The following CACNG1 variants were observed in gnomAD, a reference collection of about 807,000 sequenced individuals.
CACNG1 encodes calcium voltage-gated channel auxiliary subunit gamma 1.
Under a neutral mutation model 22.0 loss-of-function variants are expected in CACNG1, and 21 were observed. That is an observed-to-expected ratio of 0.95 (90% CI 0.68 to 1.37). The LOEUF is 1.37. CACNG1 is among the 40% of genes most tolerant of loss of function. CACNG1 has a pLI of 0.00. For missense variants in CACNG1, 291 were observed against 308.6 expected (o/e 0.94, Z 0.43); for synonymous variants, 127 against 129.2 (o/e 0.98, Z 0.12).
intron 1 of CACNG1, 62 bp from the exon 2 acceptor site, chr17:67,053,934 C>T: frequency 1.6e-6 from 2 of 1,235,654 alleles, no homozygotes; most frequent in Non-Finnish European, 2.4e-6. Context: ...CGCTCTCTGC[C>T]AGGCCTCTGT....
chr17:67,046,690 A>C (rs2143407922), intron 1 of CACNG1, among the ~76,000 whole-genome samples: 1 of 152,306 alleles, frequency 6.6e-6, no homozygotes, highest in South Asian at 2.1e-4. Flanking sequence ...AGGGCAAGGC[A>C]GCTTCTTCAG....
intron 1 of CACNG1, among the ~76,000 whole-genome samples, chr17:67,046,713 G>A (rs1281172376): frequency 6.6e-6 from 1 of 152,162 alleles, no homozygotes; most frequent in African/African-American, 2.4e-5. Context: ...ACCACACATG[G>A]GGACGTGCTG....
In CACNG1 at chr17:67,054,289, AG is replaced by A. The variant is rs2035745411; in HGVS notation, c.304+222del. Among the ~76,000 whole-genome samples the A allele has an allele frequency of 6.6e-6, 1 of 152,184 alleles. No individual in the cohort carries two copies. The highest frequency in any genetic ancestry group is 2.4e-5 in the African/African-American group (1 of 41,452). On this transcript the variant is annotated intron_variant, in intron 2 of 3. Coordinates refer to ENST00000226021, the MANE Select transcript of CACNG1 (RefSeq NM_000727.4). This position sits in a 1 kb window ranked among gnomAD's most constrained non-coding sequence, Gnocchi z 4.6. ...CCCGGAGCTTCCACACCTCGGGGCC[AG>A]GGAGCGTTTGCAGAAGCAGCACCTC...
chr17:67,046,977 C>A (rs1300329821), intron 1 of CACNG1, among the ~76,000 whole-genome samples: 1 of 151,070 alleles, frequency 6.6e-6, no homozygotes, highest in Non-Finnish European at 1.5e-5. Flanking sequence ...CAGTAATCTT[C>A]CAAAATATGT....
At chr17:67,049,609 A>T (rs563314145) in intron 1 of CACNG1, among the ~76,000 whole-genome samples, 11 of 152,310 alleles carry the variant, frequency 7.2e-5, no homozygotes, top group African/African-American at 2.6e-4. Flanking sequence ...TACAGGTAGG[A>T]ACAGGGAGGC....
In CACNG1 at chr17:67,054,807, C is replaced by T. The variant is rs980077324; in HGVS notation, c.305-296C>T. 2.6e-5 allele frequency among the ~76,000 whole-genome samples: 4 copies of T among 151,158 alleles called. No homozygotes were observed. The highest frequency in any genetic ancestry group is 2.1e-4 in the South Asian group (1 of 4,778). Reference sequence around the variant, plus strand: ...ACACACAGACACACACTGACACACACGTACAATGACACAGACACAGAGACA... The same window carrying T: ...ACACACAGACACACACTGACACACATGTACAATGACACAGACACAGAGACA... On this transcript the variant is annotated intron_variant, in intron 2 of 3. Coordinates refer to ENST00000226021, the MANE Select transcript of CACNG1 (RefSeq NM_000727.4). The surrounding 1 kb of genome is among the most constrained non-coding windows in gnomAD (Gnocchi z 4.6).
chr17:67,047,268 T>G (rs1283603760), intron 1 of CACNG1, among the ~76,000 whole-genome samples: 1 of 152,144 alleles, frequency 6.6e-6, no homozygotes, highest in Admixed American at 6.5e-5. Context: ...ATAATAGTAA[T>G]GAGAAGGCTG....
chr17:67,044,965 G>A lies in CACNG1; in HGVS notation c.229+76G>A, dbSNP rs962388970. On this transcript the variant is annotated intron_variant, in intron 1 of 3. Coordinates refer to ENST00000226021, the MANE Select transcript of CACNG1 (RefSeq NM_000727.4). The surrounding 1 kb of genome is among the most constrained non-coding windows in gnomAD (Gnocchi z 6.9). ...ATCCCCCTGGCAAAGTTGCCCTTGCGAAGGAAGGCAGGTTTCTCTGCCTAG... is the reference window on the plus strand; with the variant it reads ...ATCCCCCTGGCAAAGTTGCCCTTGCAAAGGAAGGCAGGTTTCTCTGCCTAG... The A allele has an allele frequency of 2.7e-5, 33 of 1,221,266 alleles. No homozygotes were observed. Among genetic ancestry groups the A allele is most frequent in the Non-Finnish European group, 3.6e-5 (31 of 861,908 alleles). The allele number at this position is 1,221,266 out of a possible 1,614,324, so 75.7% of individuals were successfully genotyped here.
chr17:67,054,854 TGACA>T lies in CACNG1; in HGVS notation c.305-244_305-241del, dbSNP rs529983883. Among the ~76,000 whole-genome samples, 8 of 141,486 alleles carry T rather than the reference TGACA, an allele frequency of 5.7e-5. No homozygotes were observed. The East Asian group carries it at 1.5e-3, about 26-fold the overall frequency. The allele number at this position is 141,486 out of a possible 152,430, so 92.8% of individuals were successfully genotyped here. A position where few individuals can be genotyped will look rare whatever the true frequency, so the allele number is the denominator to read the frequency against. On this transcript the variant is annotated intron_variant, in intron 2 of 3. Coordinates refer to ENST00000226021, the MANE Select transcript of CACNG1 (RefSeq NM_000727.4). The surrounding 1 kb of genome is among the most constrained non-coding windows in gnomAD (Gnocchi z 4.6). ...GACACACACTGACACACACGTACAA[TGACA>T]GACACAGAGACACACACTGACACAT... is the stretch of plus-strand genomic sequence containing the variant.
chr17:67,044,772 C>G lies in CACNG1; in HGVS notation c.112C>G (p.His38Asp), dbSNP rs758050600. The change falls in exon 1 of 4, where the codon CAC becomes GAC. Residue 38 changes from histidine (H) to aspartate (D), a missense_variant. His to Asp is a moderately conservative substitution (Grantham distance 81). Coordinates refer to ENST00000226021, the MANE Select transcript of CACNG1 (RefSeq NM_000727.4). The surrounding 1 kb of genome is among the most constrained non-coding windows in gnomAD (Gnocchi z 6.9). Reference protein sequence around the residue: ...VTDHWAVLSPHMEHHNTTCEA... With the variant: ...VTDHWAVLSPDMEHHNTTCEA... ...CGACCACTGGGCTGTGCTGAGCCCC[C>G]ACATGGAGCACCACAACACTACCTG... is the stretch of plus-strand genomic sequence containing the variant. The G allele has an allele frequency of 4.3e-6, 7 of 1,613,320 alleles. No individual in the cohort carries two copies. The Admixed American group carries it at 8.3e-5, about 19-fold the overall frequency.
intron 1 of CACNG1, among the ~76,000 whole-genome samples, chr17:67,052,277 A>G (rs1243327362): frequency 6.6e-6 from 1 of 152,176 alleles, no homozygotes; most frequent in East Asian, 1.9e-4. Context: ...GCACACAGAG[A>G]AGGCTGTTTA....
At chr17:67,045,031 G>A in intron 1 of CACNG1, 142 bp downstream of exon 1, 2 of 678,718 alleles carry the variant, frequency 2.9e-6, no homozygotes, top group Non-Finnish European at 5.1e-6. Flanking sequence ...CAGGGAAGAA[G>A]ATATGAATTG....
chr17:67,050,211 G>T (rs992633561), intron 1 of CACNG1, among the ~76,000 whole-genome samples: 3 of 152,246 alleles, frequency 2.0e-5, no homozygotes, highest in Non-Finnish European at 2.9e-5. Flanking sequence ...AACTGGGATT[G>T]TATAAAAGAG....
At position 67,056,491 on chromosome 17, in the gene CACNG1, G is replaced by A; in HGVS notation, c.*220G>A. The A allele has an allele frequency of 3.5e-6, 2 of 576,208 alleles. No individual in the cohort carries two copies. The highest frequency in any genetic ancestry group is 6.2e-6 in the Non-Finnish European group (2 of 321,864). 35.7% of individuals were successfully genotyped at this position (576,208 alleles called of 1,614,324 possible). On this transcript the variant is annotated 3_prime_UTR_variant, in exon 4 of 4. Transcript: ENST00000226021. This position sits in a 1 kb window ranked among gnomAD's most constrained non-coding sequence, Gnocchi z 4.3. Reference sequence around the variant, plus strand: ...CGTGAGTCCTAACCTGGCCACAGTTGGGGGAGGCAGAGCCAGCAGGTGGAC... The same window carrying A: ...CGTGAGTCCTAACCTGGCCACAGTTAGGGGAGGCAGAGCCAGCAGGTGGAC...
At position 67,045,050 on chromosome 17, in the gene CACNG1, G is replaced by A. The variant is rs562786539; in HGVS notation, c.229+161G>A. The stretch of plus-strand genomic sequence containing the variant: ...GAAGAAGATATGAATTGCATGTGTG[G>A]TGCTGGTGGCTGGGGCTGGGTTGTA... On this transcript the variant is annotated intron_variant, in intron 1 of 3. Coordinates refer to ENST00000226021, the MANE Select transcript of CACNG1 (RefSeq NM_000727.4). Among the ~76,000 whole-genome samples the A allele has an allele frequency of 9.8e-5, 15 of 152,370 alleles. No homozygotes were observed. The South Asian group carries it at 1.5e-3, about 15-fold the overall frequency.
In CACNG1 at chr17:67,055,316, C is replaced by T; in HGVS notation, c.442+76C>T. 1 of 1,503,524 alleles carries T rather than the reference C, an allele frequency of 6.7e-7. No homozygotes were observed. Among genetic ancestry groups the T allele is most frequent in the African/African-American group, 1.4e-5 (1 of 73,020 alleles). 93.1% of individuals were successfully genotyped at this position (1,503,524 alleles called of 1,614,324 possible). The stretch of plus-strand genomic sequence containing the variant: ...GGGATTCTCCGCTCCACCCTCATGC[C>T]CACCGCGAGATTTGGGTGAGGGGCA... On this transcript the variant is annotated intron_variant, in intron 3 of 3. Transcript: ENST00000226021. This position sits in a 1 kb window ranked among gnomAD's most constrained non-coding sequence, Gnocchi z 4.5.
At chr17:67,051,885 G>A (rs1387086803) in intron 1 of CACNG1, among the ~76,000 whole-genome samples, 1 of 152,210 alleles carries the variant, frequency 6.6e-6, no homozygotes, top group Non-Finnish European at 1.5e-5. Context: ...GCACTCCATG[G>A]CCCTCATCTC....
intron 1 of CACNG1, 139 bp downstream of exon 1, chr17:67,045,028 G>T: frequency 1.4e-6 from 1 of 692,370 alleles, no homozygotes. Flanking sequence ...GCCCAGGGAA[G>T]AAGATATGAA....
chr17:67,054,017 G>GGCAT lies in CACNG1; in HGVS notation c.252_255dup (p.Phe86AlafsTer3). The GGCAT allele has an allele frequency of 2.5e-6, 4 of 1,614,106 alleles. No homozygotes were observed. Among genetic ancestry groups the GGCAT allele is most frequent in the Non-Finnish European group, 3.4e-6 (4 of 1,179,970 alleles). On this transcript the variant is annotated frameshift_variant, in exon 2 of 4. Coordinates refer to ENST00000226021, the MANE Select transcript of CACNG1 (RefSeq NM_000727.4). LOFTEE classifies it high-confidence loss of function. This position sits in a 1 kb window ranked among gnomAD's most constrained non-coding sequence, Gnocchi z 4.6. ...GCAGAGAAGAACTGTTCCTACTTCA[G>GGCAT]GCATTTTAACCCCGGCGAGAGCTCG...
Sources: gnomAD v4.1 joint callset for allele counts (sites outside exome capture counted in the v4.1 genomes callset) on GRCh38, gnomAD v4.1.1 for gene constraint, Gnocchi (gnomAD v3.1) non-coding constraint, MANE v1.5 for transcripts, NCBI Gene and HGNC (gene_info 2026-07-23, HGNC 2026-07-21) for gene names.